The following TRHDE variants were observed in gnomAD, a reference collection of about 807,000 sequenced individuals.
TRHDE encodes thyrotropin-releasing hormone-degrading ectoenzyme.
A neutral mutation model predicts 125.7 loss-of-function variants in TRHDE; 72 were observed. That is an observed-to-expected ratio of 0.57 (90% CI 0.47 to 0.70). The LOEUF (loss-of-function observed/expected upper bound fraction) is 0.70, where lower values mean the gene tolerates loss of function less well. Ranked by LOEUF, TRHDE falls within the 30% of genes least tolerant of loss-of-function variation. The pLI, the probability that TRHDE is intolerant of heterozygous loss-of-function variation, is 0.00. For missense variants in TRHDE, 1,110 were observed against 1,327.1 expected (o/e 0.84, Z 2.54); for synonymous variants, 509 against 509.1 (o/e 1.00, Z 0.00).
In TRHDE at chr12:72,652,382, T is replaced by C; in HGVS notation, c.2736T>C (p.Asp912=). Reference sequence around the variant, plus strand: ...CAGGAGTGTCACTACTGGATGAGGATGTCTGGGAATTCATATGGATGAAAT... The same window carrying C: ...CAGGAGTGTCACTACTGGATGAGGACGTCTGGGAATTCATATGGATGAAAT... ...YCTGVSLLDE[D]VWEFIWMKFH... The change falls in exon 16 of 19, where the codon GAT becomes GAC. Residue 912 remains aspartate (D), a synonymous_variant. Coordinates refer to ENST00000261180, the MANE Select transcript of TRHDE (RefSeq NM_013381.3). 5 of 1,607,098 alleles carry C rather than the reference T, an allele frequency of 3.1e-6. No homozygotes were observed. The highest frequency in any genetic ancestry group is 3.4e-6 in the Non-Finnish European group (4 of 1,176,344).
intron 4 of TRHDE, among the ~76,000 whole-genome samples, chr12:72,470,427 C>T (rs1876586349): frequency 6.6e-6 from 1 of 152,160 alleles, no homozygotes; most frequent in Non-Finnish European, 1.5e-5. Context: ...TATTTTTTGT[C>T]TTGGCATGTT....
At chr12:72,294,957 T>C (rs1289372781) in intron 2 of TRHDE, among the ~76,000 whole-genome samples, 1 of 151,484 alleles carries the variant, frequency 6.6e-6, no homozygotes. Flanking sequence ...TGCTCCGAGA[T>C]AGGAGCAGGC....
chr12:72,650,445 TTAG>T (rs1874459760), intron 15 of TRHDE, among the ~76,000 whole-genome samples: 2 of 152,148 alleles, frequency 1.3e-5, no homozygotes, highest in South Asian at 4.1e-4. Context: ...GCAACATAGT[TTAG>T]TATATTCTGT....
chr12:72,250,931 G>A (rs193075151), intron 2 of TRHDE, among the ~76,000 whole-genome samples: 1 of 148,234 alleles, frequency 6.7e-6, no homozygotes, highest in African/African-American at 2.5e-5. Context: ...CCACTGGAAA[G>A]CCACTTTTTG....
chr12:72,232,007 G>A (rs1050129918), intron 2 of TRHDE, among the ~76,000 whole-genome samples: 2 of 152,200 alleles, frequency 1.3e-5, no homozygotes, highest in Admixed American at 1.3e-4. Flanking sequence ...TCTACTGGCT[G>A]CTAGGTAGGG....
At chr12:72,159,827 A>G (rs151105279) in intron 2 of TRHDE, among the ~76,000 whole-genome samples, 1 of 152,058 alleles carries the variant, frequency 6.6e-6, no homozygotes, top group African/African-American at 2.4e-5. Flanking sequence ...TGCAAATACT[A>G]TGTTAAGTTC....
In TRHDE at chr12:72,657,007, A is replaced by T; in HGVS notation, c.3065A>T (p.Glu1022Val). The change falls in exon 18 of 19, where the codon GAG becomes GTG. Residue 1022 changes from glutamate to valine, a missense_variant and splice_region_variant. Glu to Val is a moderately radical substitution (Grantham distance 121). Around this residue, in one of 5 missense-constraint regions of TRHDE, gnomAD observed 527 missense variants for 651.8 expected, o/e 0.81. Coordinates refer to ENST00000261180, the MANE Select transcript of TRHDE (RefSeq NM_013381.3). ...EFLNTEGELK[E>V]LKNFMKNYDG... The stretch of plus-strand genomic sequence containing the variant: ...CTTAATACTGAAGGTGAACTCAAAG[A>T]GGTAAATATTTTAAGATGAAGTCTA... 6.4e-7 allele frequency: 1 copy of T among 1,569,606 alleles called. No individual in the cohort carries two copies.
intron 3 of TRHDE, among the ~76,000 whole-genome samples, chr12:72,458,102 T>C (rs1340536019): frequency 6.6e-6 from 1 of 152,174 alleles, no homozygotes; most frequent in Non-Finnish European, 1.5e-5. Context: ...GCATTGGTTT[T>C]ACCCTCCCTT....
At chr12:72,153,538 T>C (rs1225056212) in intron 2 of TRHDE, among the ~76,000 whole-genome samples, 1 of 152,246 alleles carries the variant, frequency 6.6e-6, no homozygotes, top group Non-Finnish European at 1.5e-5. Flanking sequence ...CATTTAGTGC[T>C]ATAAATTTCC....
At chr12:72,374,428 G>C (rs1871780885) in intron 2 of TRHDE, among the ~76,000 whole-genome samples, 1 of 151,600 alleles carries the variant, frequency 6.6e-6, no homozygotes, top group South Asian at 2.1e-4. Context: ...CATGAGTCTG[G>C]AAGTCTGGAA....
chr12:72,482,443 C>T (rs1231695320), intron 5 of TRHDE, among the ~76,000 whole-genome samples: 1 of 151,796 alleles, frequency 6.6e-6, no homozygotes. Flanking sequence ...GAACATTTAG[C>T]TACCTATTAT....
intron 3 of TRHDE, among the ~76,000 whole-genome samples, chr12:72,406,725 A>G (rs1381353212): frequency 6.6e-6 from 1 of 152,198 alleles, no homozygotes; most frequent in African/African-American, 2.4e-5. Context: ...ACAATTTAGT[A>G]CAATTTAGCA....
At chr12:72,200,368 G>A (rs191888021) in intron 2 of TRHDE, among the ~76,000 whole-genome samples, 24 of 152,308 alleles carry the variant, frequency 1.6e-4, no homozygotes, top group Admixed American at 7.2e-4. Flanking sequence ...TTTAAGGAAC[G>A]TGAAGTCTAT....
intron 2 of TRHDE, among the ~76,000 whole-genome samples, chr12:72,225,532 A>G (rs1878112151): frequency 6.6e-6 from 1 of 152,206 alleles, no homozygotes; most frequent in Non-Finnish European, 1.5e-5. Context: ...AAGCACAAAC[A>G]CTAAAATTCA....
At chr12:72,215,695 TCAG>T (rs1225009211) in intron 2 of TRHDE, among the ~76,000 whole-genome samples, 1 of 152,174 alleles carries the variant, frequency 6.6e-6, no homozygotes, top group African/African-American at 2.4e-5. Context: ...TTTGGTGTCT[TCAG>T]CAGGAGTTTA....
At chr12:72,505,102 T>C (rs1225902211) in intron 6 of TRHDE, among the ~76,000 whole-genome samples, 2 of 152,212 alleles carry the variant, frequency 1.3e-5, no homozygotes, top group African/African-American at 2.4e-5. Context: ...GACCAGCTAC[T>C]AATTTGGGAT....
chr12:72,507,047 C>G (rs531077092), intron 6 of TRHDE, among the ~76,000 whole-genome samples: 13 of 152,224 alleles, frequency 8.5e-5, no homozygotes, highest in African/African-American at 1.7e-4. Flanking sequence ...CTTGCTCAAG[C>G]CTTGTAAGAT....
intron 2 of TRHDE, among the ~76,000 whole-genome samples, chr12:72,217,718 G>A (rs972810908): frequency 6.6e-6 from 1 of 152,092 alleles, no homozygotes; most frequent in Non-Finnish European, 1.5e-5. Context: ...TGCTTTCGTT[G>A]CACAATATAA....
intron 13 of TRHDE, among the ~76,000 whole-genome samples, chr12:72,619,430 C>T (rs1331136539): frequency 6.6e-6 from 1 of 152,018 alleles, no homozygotes; most frequent in Non-Finnish European, 1.5e-5. Flanking sequence ...TATTTTTATC[C>T]AAAAGGGCAT....
Sources: allele counts gnomAD v4.1 joint callset (sites outside exome capture counted in the v4.1 genomes callset), GRCh38; gene constraint gnomAD v4.1.1; regional missense constraint gnomAD v4.1.1; transcripts MANE v1.5; gene names NCBI Gene and HGNC (gene_info 2026-07-23, HGNC 2026-07-21).